QPCTL: variants seen among roughly 807,000 people sequenced by gnomAD.
The protein encoded by QPCTL is glutaminyl-peptide cyclotransferase like, also known as glutaminyl-peptide cyclotransferase-like protein.
QPCTL carries 31 observed loss-of-function variants against 34.6 expected under a neutral mutation model. The observed-to-expected ratio is 0.90, with a 90% CI of 0.67 to 1.21. QPCTL has a LOEUF of 1.21. Among genes scored for constraint, QPCTL ranks in the 50% most tolerant of loss-of-function variants. The probability of loss-of-function intolerance (pLI) is 0.00; values close to 1 mark genes in which losing one functional copy is unlikely to be tolerated. For missense variants in QPCTL, 474 were observed against 507.8 expected, an observed-to-expected ratio of 0.93 and a Z score of 0.64; for synonymous variants, 223 against 226.9, an observed-to-expected ratio of 0.98 and a Z score of 0.15.
Position 45,693,472 on chromosome 19 carries a change from T to C in QPCTL, c.267T>C (p.Asp89=), listed in dbSNP as rs756273578. ...ARLRRVVGQL[D]PQRLWSTYLR... is the part of the protein sequence containing the mutation. Reference sequence around the variant, plus strand: ...TGCGGAGGGTGGTGGGACAACTGGATCCACAGCGTCTCTGGAGCACTTATC... The same window carrying C: ...TGCGGAGGGTGGTGGGACAACTGGACCCACAGCGTCTCTGGAGCACTTATC... Residue 89 remains aspartate, a synonymous_variant, in exon 2 of 7, where the codon GAT becomes GAC. Transcript: ENST00000012049. 6.2e-7 allele frequency: 1 copy of C among 1,613,278 alleles called. No homozygotes were observed. Among genetic ancestry groups the C allele is most frequent in the South Asian group, 1.1e-5 (1 of 90,926 alleles).
At chr19:45,695,850 T>A in intron 3 of QPCTL, 132 bp downstream of exon 3, 1 of 271,114 alleles carries the variant, frequency 3.7e-6, no homozygotes, top group Non-Finnish European at 4.4e-6. Context: ...ACAGGGATCT[T>A]TTTTTTTTTT....
intron 6 of QPCTL, among the ~76,000 whole-genome samples, chr19:45,702,462 C>CAA (rs1250428976): frequency 2.3e-5 from 3 of 129,380 alleles, no homozygotes; most frequent in Admixed American, 7.9e-5. Context: ...GATGATATCT[C>CAA]AAAAAAAAAA....
chr19:45,701,117 C>T (rs552144741), intron 5 of QPCTL, among the ~76,000 whole-genome samples: 13 of 34,316 alleles, frequency 3.8e-4, no homozygotes, highest in African/African-American at 1.4e-3. Flanking sequence ...CACACGCGCA[C>T]ACACACACAC....
At chr19:45,697,448 A>G (rs1051760752) in intron 3 of QPCTL, among the ~76,000 whole-genome samples, 23 of 152,070 alleles carry the variant, frequency 1.5e-4, no homozygotes, top group Admixed American at 4.6e-4. Context: ...AAGAAAGAAA[A>G]AAAAGAAAAG....
At position 45,694,243 on chromosome 19, in the gene QPCTL, G is replaced by A. The variant is rs1040049137; in HGVS notation, c.351+687G>A. Among the ~76,000 whole-genome samples, 99 of 152,088 alleles carry A rather than the reference G, an allele frequency of 6.5e-4. No homozygotes were observed. In the Middle Eastern group the frequency reaches 0.01, roughly 16 times the overall value. On this transcript the variant is annotated intron_variant, in intron 2 of 6. Transcript: ENST00000012049. ...AAAAATACAAAATTAGCCAGGCGTG[G>A]TGGTGGGTACCCGTAGTCCCAGCTA... is the stretch of plus-strand genomic sequence containing the variant.
Position 45,692,764 on chromosome 19 carries a change from C to A in QPCTL, c.61C>A (p.Pro21Thr), listed in dbSNP as rs752257964. The A allele has an allele frequency of 3.1e-6, 5 of 1,590,608 alleles. No homozygotes were observed. In the Admixed American group the frequency reaches 7.0e-5, roughly 22 times the overall value. ...GCTGGGGGAACGTGGCCTCATGGAG[C>A]CACTCTTGCCGCCGAAGCGCCGCCT... is the stretch of plus-strand genomic sequence containing the variant. ...LRLGERGLMEPLLPPKRRLLP... is the reference protein window; with the variant it reads ...LRLGERGLMETLLPPKRRLLP... The change falls in exon 1 of 7, where the codon CCA (proline) becomes ACA (threonine). Residue 21 changes from proline (P) to threonine (T), a missense_variant. By Grantham distance (38) the Pro-to-Thr change is conservative. Transcript: ENST00000012049.
At chr19:45,698,476 G>T in intron 3 of QPCTL, 71 bp from the exon 4 acceptor site, 1 of 1,575,640 alleles carries the variant, frequency 6.3e-7, no homozygotes. Context: ...AAGCGGGCAA[G>T]AAGTGTGGGT....
In QPCTL at chr19:45,703,453, C is replaced by T. The variant is rs1967846814; in HGVS notation, c.*404C>T. On this transcript the variant is annotated 3_prime_UTR_variant, in exon 7 of 7. Transcript: ENST00000012049. ...TCACGCCATTCTCCTGCCTCAGCCT[C>T]CCAAGTAGCTGGGACTACAGGTGCC... is the stretch of plus-strand genomic sequence containing the variant. 1 of 156,748 alleles carries T rather than the reference C, an allele frequency of 6.4e-6. No individual in the cohort carries two copies. The highest frequency in any genetic ancestry group is 2.4e-5 in the African/African-American group (1 of 41,540). 9.7% of individuals were successfully genotyped at this position (156,748 alleles called of 1,614,324 possible).
At chr19:45,695,951 A>G (rs1161520759) in intron 3 of QPCTL, among the ~76,000 whole-genome samples, 1 of 151,520 alleles carries the variant, frequency 6.6e-6, no homozygotes, top group Non-Finnish European at 1.5e-5. Context: ...GGTTCAAGCA[A>G]TTCTCCTCCC....
chr19:45,692,736 G>A lies in QPCTL; in HGVS notation c.33G>A (p.Leu11=). 6.4e-7 allele frequency: 1 copy of A among 1,564,674 alleles called. No homozygotes were observed. MRSGGRGRPR[L]RLGERGLMEP... ...CCGGGGGCCGCGGGCGACCCCGCCT[G>A]CGGCTGGGGGAACGTGGCCTCATGG... is the stretch of plus-strand genomic sequence containing the variant. Residue 11 remains leucine, a synonymous_variant, in exon 1 of 7, where the codon CTG becomes CTA. Transcript: ENST00000012049.
rs150184119 is a variant in QPCTL at position 45,697,412 on chromosome 19, C to T, written c.634-1135C>T. Among the ~76,000 whole-genome samples the T allele has an allele frequency of 1.9e-3, 254 of 133,094 alleles. 6 individuals are homozygous for T. The East Asian group carries it at 0.048, about 25-fold the overall frequency. The allele number at this position is 133,094 out of a possible 152,430, so 87.3% of individuals were successfully genotyped here. A position where few individuals can be genotyped will look rare whatever the true frequency, so the allele number is the denominator to read the frequency against. ...CTGTACGCCAGCCTGGGCGATACAG[C>T]GAGACTCCGTCTCAAAAAAAAAAAA... On this transcript the variant is annotated intron_variant, in intron 3 of 6. Coordinates refer to ENST00000012049, the MANE Select transcript of QPCTL (RefSeq NM_017659.4).
At chr19:45,696,415 A>AC (rs1275266695) in intron 3 of QPCTL, among the ~76,000 whole-genome samples, 3 of 151,670 alleles carry the variant, frequency 2.0e-5, no homozygotes, top group Non-Finnish European at 4.4e-5. Context: ...ACATGATGAA[A>AC]CCCCATCTCT....
intron 5 of QPCTL, 144 bp from the exon 6 acceptor site, chr19:45,701,654 C>T (rs1270472019): frequency 1.4e-5 from 9 of 641,616 alleles, no homozygotes; most frequent in Non-Finnish European, 2.5e-5. Flanking sequence ...CATAGTGAGC[C>T]CACAGGAAGG....
chr19:45,695,170 C>G (rs1017512596), intron 2 of QPCTL, among the ~76,000 whole-genome samples: 5 of 152,056 alleles, frequency 3.3e-5, no homozygotes, highest in Non-Finnish European at 7.4e-5. Flanking sequence ...CCTGTAACCC[C>G]AGCTACTCAG....
In QPCTL at chr19:45,701,813, G is replaced by A. The variant is rs373561307; in HGVS notation, c.902G>A (p.Arg301His). The A allele has an allele frequency of 2.6e-5, 42 of 1,613,542 alleles. No individual in the cohort carries two copies. The highest frequency in any genetic ancestry group is 1.2e-4 in the African/African-American group (9 of 74,872). The change falls in exon 6 of 7, where the codon CGT becomes CAT. Residue 301 changes from arginine to histidine, a missense_variant. By Grantham distance (29) the Arg-to-His change is conservative (BLOSUM62 0). Transcript: ENST00000012049. ...CCACTTCCAGAGAAGCGTCTGCACC[G>A]TTTGAACCTGCTGCAGTCTCATCCC... ...RLRSIEKRLH[R>H]LNLLQSHPQE...
intron 5 of QPCTL, among the ~76,000 whole-genome samples, chr19:45,700,400 T>C (rs1967787404): frequency 6.7e-6 from 1 of 148,378 alleles, no homozygotes; most frequent in African/African-American, 2.5e-5. Context: ...GCTGAAATTG[T>C]GCCACTGCAC....
Position 45,693,395 on chromosome 19 carries a change from TC to T in QPCTL, c.208-15del. On this transcript the variant is annotated splice_polypyrimidine_tract_variant and intron_variant, in intron 1 of 6. Transcript: ENST00000012049. ...GTTGCTCTCATTCTTCCCTTCCCTA[TC>T]CCACCTCCTTCCCAAGGTCCCATTG... 1 of 1,604,968 alleles carries T rather than the reference TC, an allele frequency of 6.2e-7. No individual in the cohort carries two copies. The highest frequency in any genetic ancestry group is 1.1e-5 in the South Asian group (1 of 90,134).
intron 2 of QPCTL, among the ~76,000 whole-genome samples, chr19:45,695,182 A>T (rs1387889455): frequency 6.6e-6 from 1 of 152,006 alleles, no homozygotes; most frequent in Non-Finnish European, 1.5e-5. Flanking sequence ...GCTACTCAGG[A>T]GGCTGAGTCA....
intron 5 of QPCTL, among the ~76,000 whole-genome samples, chr19:45,700,344 C>A (rs1363834220): frequency 6.6e-6 from 1 of 151,324 alleles, no homozygotes; most frequent in African/African-American, 2.4e-5. Flanking sequence ...ACTCCGGAGG[C>A]TCAGGCAGAA....
Sources: gnomAD v4.1 joint callset for allele counts (sites outside exome capture counted in the v4.1 genomes callset) on GRCh38, gnomAD v4.1.1 for gene constraint, MANE v1.5 for transcripts, NCBI Gene and HGNC (gene_info 2026-07-23, HGNC 2026-07-21) for gene names.